The following ACAP2 variants were observed in gnomAD, a reference collection of about 807,000 sequenced individuals.
ACAP2 encodes the protein arf-GAP with coiled-coil, ANK repeat and PH domain-containing protein 2.
Under a neutral mutation model 115.8 loss-of-function variants are expected in ACAP2, and 39 were observed. The observed-to-expected ratio is 0.34, with a 90% CI of 0.26 to 0.44. The LOEUF (loss-of-function observed/expected upper bound fraction) is 0.44, where lower values mean the gene tolerates loss of function less well. ACAP2 is among the 20% of genes least tolerant of loss of function. The probability of loss-of-function intolerance (pLI) is 1.00; values close to 1 mark genes in which losing one functional copy is unlikely to be tolerated. For missense variants in ACAP2, 662 were observed against 927.6 expected, an observed-to-expected ratio of 0.71 and a Z score of 3.72; for synonymous variants, 289 against 315.8, an observed-to-expected ratio of 0.92 and a Z score of 0.90.
At chr3:195,366,945 C>A (rs1287263903) in intron 4 of ACAP2, among the ~76,000 whole-genome samples, 1 of 151,112 alleles carries the variant, frequency 6.6e-6, no homozygotes, top group African/African-American at 2.4e-5. Flanking sequence ...AGGCCTCTAT[C>A]ACACTACTCA....
chr3:195,320,322 C>T (rs565162298), intron 10 of ACAP2, among the ~76,000 whole-genome samples: 1 of 152,290 alleles, frequency 6.6e-6, no homozygotes, highest in African/African-American at 2.4e-5. Context: ...AGAAAGCTCA[C>T]TTGTCCTATT....
chr3:195,354,521 A>T (rs1464042922), intron 4 of ACAP2, among the ~76,000 whole-genome samples: 1 of 151,992 alleles, frequency 6.6e-6, no homozygotes, highest in African/African-American at 2.4e-5. Flanking sequence ...CTGCTTTTTA[A>T]TGGGGTTGTG....
intron 4 of ACAP2, among the ~76,000 whole-genome samples, chr3:195,366,862 C>T (rs1456224480): frequency 6.6e-6 from 1 of 151,914 alleles, no homozygotes; most frequent in Non-Finnish European, 1.5e-5. Context: ...TGAAGGAGTC[C>T]TTTACAACAG....
chr3:195,399,985 C>T (rs1203954202), intron 1 of ACAP2, among the ~76,000 whole-genome samples: 1 of 151,842 alleles, frequency 6.6e-6, no homozygotes, highest in Non-Finnish European at 1.5e-5. Flanking sequence ...TCGAGAGCAG[C>T]CTGACCAACA....
At chr3:195,400,221 T>C (rs1404437945) in intron 1 of ACAP2, among the ~76,000 whole-genome samples, 1 of 151,476 alleles carries the variant, frequency 6.6e-6, no homozygotes, top group African/African-American at 2.4e-5. Context: ...TATATATATA[T>C]GTGTGTGTAT....
intron 6 of ACAP2, among the ~76,000 whole-genome samples, chr3:195,340,378 G>T (rs555829190): frequency 1.3e-5 from 2 of 152,056 alleles, no homozygotes; most frequent in Admixed American, 1.3e-4. Flanking sequence ...TTTCAGTTTT[G>T]AATACAATGA....
intron 22 of ACAP2, among the ~76,000 whole-genome samples, chr3:195,283,238 C>G (rs1342214897): frequency 6.6e-6 from 1 of 152,116 alleles, no homozygotes; most frequent in Non-Finnish European, 1.5e-5. Flanking sequence ...CTCACCCACC[C>G]ATGTCTCCTA....
intron 4 of ACAP2, among the ~76,000 whole-genome samples, chr3:195,365,124 G>C (rs1188927098): frequency 1.3e-5 from 2 of 152,212 alleles, no homozygotes; most frequent in Admixed American, 1.3e-4. Flanking sequence ...CAGAGGCTGG[G>C]AAGGCTAGGT....
At chr3:195,297,119 A>G in intron 16 of ACAP2, 71 bp downstream of exon 16, 1 of 1,336,760 alleles carries the variant, frequency 7.5e-7, no homozygotes, top group Non-Finnish European at 1.1e-6. Context: ...AATGTTATAT[A>G]TCAATTACTA....
intron 15 of ACAP2, among the ~76,000 whole-genome samples, chr3:195,298,126 T>C (rs1381086381): frequency 2.6e-5 from 4 of 152,116 alleles, no homozygotes; most frequent in African/African-American, 7.2e-5. Context: ...ACAGGTGAGA[T>C]GTGGGAGCAG....
At chr3:195,286,493 T>C (rs1216764146) in intron 21 of ACAP2, among the ~76,000 whole-genome samples, 3 of 152,194 alleles carry the variant, frequency 2.0e-5, no homozygotes, top group Admixed American at 1.3e-4. Flanking sequence ...AGGCAAATAT[T>C]GTGTTTGGTA....
At position 195,343,940 on chromosome 3, in the gene ACAP2, T is replaced by C. The variant is rs187945512; in HGVS notation, c.345-1286A>G. Among the ~76,000 whole-genome samples, 204 of 152,282 alleles carry C rather than the reference T, an allele frequency of 1.3e-3. 1 individual carries two copies. Among genetic ancestry groups the C allele is most frequent in the Admixed American group, 6.3e-3 (97 of 15,300 alleles). Reference sequence around the variant, plus strand: ...ACAAAGTAATTTATAAAGAATTTGGTTGGGTGCCTGTAATCCCAGTGCTTT... The same window carrying C: ...ACAAAGTAATTTATAAAGAATTTGGCTGGGTGCCTGTAATCCCAGTGCTTT... On this transcript the variant is annotated intron_variant, in intron 5 of 22. Coordinates refer to ENST00000326793, the MANE Select transcript of ACAP2 (RefSeq NM_012287.6).
chr3:195,383,499 CA>C (rs1734084004), intron 2 of ACAP2, among the ~76,000 whole-genome samples: 1 of 151,648 alleles, frequency 6.6e-6, no homozygotes, highest in East Asian at 1.9e-4. Context: ...AATTGTATTA[CA>C]GACTCCCAAG....
At chr3:195,439,260 G>A (rs1715823204) in intron 1 of ACAP2, among the ~76,000 whole-genome samples, 3 of 146,854 alleles carry the variant, frequency 2.0e-5, no homozygotes, top group African/African-American at 7.5e-5. Context: ...GTGCAGAGGT[G>A]TGAACATAAC....
chr3:195,380,901 A>G (rs963807897), intron 4 of ACAP2, 108 bp downstream of exon 4: 4 of 988,718 alleles, frequency 4.0e-6, no homozygotes, highest in Middle Eastern at 3.1e-4. Context: ...GTTGACGACC[A>G]ATCAAAGCCA....
chr3:195,291,572 CGTGACA>C (rs747446214), intron 20 of ACAP2, 128 bp downstream of exon 20: 10 of 581,040 alleles, frequency 1.7e-5, no homozygotes, highest in Non-Finnish European at 2.7e-5. Context: ...CAAATTCCAT[CGTGACA>C]AAATAAGTCA....
chr3:195,337,636 C>T (rs1036414367), intron 6 of ACAP2, among the ~76,000 whole-genome samples: 5 of 151,950 alleles, frequency 3.3e-5, no homozygotes, highest in African/African-American at 1.2e-4. Context: ...TTAGTAGAGA[C>T]GGGGTTTCTC....
At chr3:195,377,138 CTTTTTTTT>C (rs749352761) in intron 4 of ACAP2, among the ~76,000 whole-genome samples, 7 of 77,084 alleles carry the variant, frequency 9.1e-5, no homozygotes, top group East Asian at 1.3e-3. Context: ...GAATGTAAAT[CTTTTTTTT>C]TTTTTTTTTT....
chr3:195,294,955 C>A, intron 17 of ACAP2, 144 bp from the exon 18 acceptor site: 1 of 535,814 alleles, frequency 1.9e-6, no homozygotes, highest in Non-Finnish European at 3.3e-6. Context: ...TAATTTTAAG[C>A]CTTTTGAACA....
Sources: allele counts gnomAD v4.1 joint callset (sites outside exome capture counted in the v4.1 genomes callset), GRCh38; gene constraint gnomAD v4.1.1; transcripts MANE v1.5; gene names NCBI Gene and HGNC (gene_info 2026-07-23, HGNC 2026-07-21).